NRG3: variants seen among roughly 807,000 people sequenced by gnomAD.
The protein encoded by NRG3 is neuregulin 3, also known as pro-neuregulin-3, membrane-bound isoform.
In NRG3, 31 loss-of-function variants were observed where a neutral mutation model predicts 66.9. The ratio of observed to expected loss-of-function variants is 0.46; its 90% CI spans 0.35 to 0.63. The LOEUF is 0.63. Ranked by LOEUF, NRG3 falls within the 20% of genes least tolerant of loss-of-function variation. The pLI is 0.00. For missense variants in NRG3, 910 were observed against 878.9 expected, an observed-to-expected ratio of 1.04 and a Z score of -0.45; for synonymous variants, 393 against 359.4, an observed-to-expected ratio of 1.09 and a Z score of -1.06.
chr10:82,205,625 T>C (rs552797899), intron 1 of NRG3, among the ~76,000 whole-genome samples: 19 of 152,252 alleles, frequency 1.2e-4, no homozygotes, highest in Non-Finnish European at 2.4e-4. Context: ...GAGCTCTGGA[T>C]ATTCATGCTC....
At chr10:82,909,724 G>A (rs942358951) in intron 4 of NRG3, among the ~76,000 whole-genome samples, 6 of 152,154 alleles carry the variant, frequency 3.9e-5, no homozygotes, top group South Asian at 2.1e-4. Context: ...TGATATCAAG[G>A]ATGTGATGAT....
intron 4 of NRG3, among the ~76,000 whole-genome samples, chr10:82,879,579 TCTC>T (rs1160816792): frequency 6.6e-6 from 1 of 151,126 alleles, no homozygotes; most frequent in East Asian, 1.9e-4. Context: ...TTCACGCCAT[TCTC>T]CTGCCTCAGC....
At chr10:82,182,891 A>G (rs958699833) in intron 1 of NRG3, among the ~76,000 whole-genome samples, 4 of 151,916 alleles carry the variant, frequency 2.6e-5, no homozygotes, top group African/African-American at 9.7e-5. Flanking sequence ...GAGTTTTGCC[A>G]GGTATAATAT....
chr10:82,602,856 C>G (rs981515690), intron 2 of NRG3, among the ~76,000 whole-genome samples: 1 of 152,088 alleles, frequency 6.6e-6, no homozygotes, highest in Non-Finnish European at 1.5e-5. Flanking sequence ...CTGGAGGAGG[C>G]CTTTGGAATG....
intron 2 of NRG3, among the ~76,000 whole-genome samples, chr10:82,502,456 A>C (rs984027751): frequency 6.6e-5 from 10 of 152,332 alleles, no homozygotes; most frequent in Admixed American, 1.3e-4. Flanking sequence ...CCTTCTTCTC[A>C]TACCTTCCAG....
intron 2 of NRG3, among the ~76,000 whole-genome samples, chr10:82,548,521 TCTCACACACACACACACA>T (rs1196502272): frequency 2.8e-5 from 3 of 108,482 alleles, no homozygotes; most frequent in Non-Finnish European, 5.5e-5. Context: ...ACATTCTGTC[TCTCACACACACACACACA>T]CACACACACA....
intron 4 of NRG3, among the ~76,000 whole-genome samples, chr10:82,898,648 T>C (rs1843893789): frequency 6.6e-6 from 1 of 151,982 alleles, no homozygotes; most frequent in South Asian, 2.1e-4. Flanking sequence ...TGGGCCTCCA[T>C]TTGCATTCTT....
chr10:82,572,306 G>A (rs1346761801), intron 2 of NRG3, among the ~76,000 whole-genome samples: 1 of 151,124 alleles, frequency 6.6e-6, no homozygotes, highest in African/African-American at 2.4e-5. Flanking sequence ...TAAGTTCTTG[G>A]TATTTAGGAT....
chr10:82,186,909 G>A (rs2073842816), intron 1 of NRG3, among the ~76,000 whole-genome samples: 1 of 152,050 alleles, frequency 6.6e-6, no homozygotes, highest in African/African-American at 2.4e-5. Flanking sequence ...ATCCCACTTA[G>A]GAGCATATGC....
chr10:82,366,440 A>G (rs2084528979), intron 2 of NRG3, among the ~76,000 whole-genome samples: 1 of 152,216 alleles, frequency 6.6e-6, no homozygotes, highest in Non-Finnish European at 1.5e-5. Context: ...CAGAATTCCT[A>G]TCGCTAATTT....
At chr10:82,485,616 A>G (rs1403354975) in intron 2 of NRG3, among the ~76,000 whole-genome samples, 1 of 151,904 alleles carries the variant, frequency 6.6e-6, no homozygotes, top group Non-Finnish European at 1.5e-5. Context: ...TACCCTAAGT[A>G]AAATGTAACT....
At chr10:82,932,366 C>T (rs922686705) in intron 4 of NRG3, among the ~76,000 whole-genome samples, 2 of 152,192 alleles carry the variant, frequency 1.3e-5, no homozygotes, top group African/African-American at 2.4e-5. Flanking sequence ...TTTATTCTTT[C>T]CATAAATTCA....
At chr10:82,095,678 A>G (rs2066293254) in intron 1 of NRG3, among the ~76,000 whole-genome samples, 1 of 152,238 alleles carries the variant, frequency 6.6e-6, no homozygotes, top group Non-Finnish European at 1.5e-5. Flanking sequence ...AACAGGAACC[A>G]GAGGCTAATT....
intron 1 of NRG3, among the ~76,000 whole-genome samples, chr10:82,267,007 A>G (rs1247252847): frequency 6.6e-6 from 1 of 152,166 alleles, no homozygotes; most frequent in African/African-American, 2.4e-5. Flanking sequence ...AAAAATCCAG[A>G]TTCTACCCCT....
At chr10:82,874,867 G>T (rs1429379977) in intron 4 of NRG3, among the ~76,000 whole-genome samples, 9 of 152,182 alleles carry the variant, frequency 5.9e-5, no homozygotes, top group African/African-American at 2.2e-4. Flanking sequence ...CTCTTGCAGT[G>T]TTTCAAATGG....
intron 2 of NRG3, among the ~76,000 whole-genome samples, chr10:82,701,623 TAC>T (rs1297916393): frequency 6.6e-6 from 1 of 152,204 alleles, no homozygotes; most frequent in Non-Finnish European, 1.5e-5. Flanking sequence ...AAGCATACTC[TAC>T]ACAAGGAACA....
chr10:81,954,893 A>G (rs1294043956), intron 1 of NRG3, among the ~76,000 whole-genome samples: 1 of 152,072 alleles, frequency 6.6e-6, no homozygotes, highest in Non-Finnish European at 1.5e-5. Flanking sequence ...ACTTTCACCT[A>G]GGATTTTGCA....
chr10:82,109,535 TTGTGTGTGTGTGTG>T (rs747213240), intron 1 of NRG3, among the ~76,000 whole-genome samples: 2 of 138,774 alleles, frequency 1.4e-5, no homozygotes, highest in Non-Finnish European at 3.1e-5. Flanking sequence ...AAGAATAAGA[TTGTGTGTGTGTGTG>T]TGTGTGTGTG....
rs762368542 is a variant in NRG3, at chr10:82,457,644, G to A, written c.953+98776G>A. Among the ~76,000 whole-genome samples the A allele has an allele frequency of 9.2e-5, 14 of 152,104 alleles. 1 individual carries two copies. The highest frequency in any genetic ancestry group is 3.4e-4 in the African/African-American group (14 of 41,420). ...CCTGGTGAGCTGAACCAAACTCCACGGTGAAACAACAGTGCTCTGTGTTTA... is the reference window on the plus strand; with the variant it reads ...CCTGGTGAGCTGAACCAAACTCCACAGTGAAACAACAGTGCTCTGTGTTTA... On this transcript the variant is annotated intron_variant, in intron 2 of 8. Coordinates refer to ENST00000372141, the MANE Select transcript of NRG3 (RefSeq NM_001010848.4).
Sources: gnomAD v4.1 joint callset for allele counts (sites outside exome capture counted in the v4.1 genomes callset) on GRCh38, gnomAD v4.1.1 for gene constraint, MANE v1.5 for transcripts, NCBI Gene and HGNC (gene_info 2026-07-23, HGNC 2026-07-21) for gene names.